ARID3B: variants seen among roughly 807,000 people sequenced by gnomAD.
ARID3B encodes the protein AT-rich interactive domain-containing protein 3B.
Under a neutral mutation model 51.9 loss-of-function variants are expected in ARID3B, and 10 were observed. The ratio of observed to expected loss-of-function variants is 0.19; its 90% CI spans 0.12 to 0.33. The LOEUF (loss-of-function observed/expected upper bound fraction) is 0.33. Among genes scored for constraint, ARID3B ranks in the 10% least tolerant of loss-of-function variants. ARID3B has a pLI of 1.00. For synonymous variants in ARID3B, 205 were observed against 279.5 expected, an observed-to-expected ratio of 0.73 and a Z score of 2.66; for missense variants, 483 against 716.3, an observed-to-expected ratio of 0.67 and a Z score of 3.72.
intron 2 of ARID3B, among the ~76,000 whole-genome samples, chr15:74,559,130 G>A (rs972796952): frequency 1.3e-5 from 2 of 152,102 alleles, no homozygotes; most frequent in African/African-American, 4.8e-5. Context: ...CCCTTCTCTT[G>A]GGGTTGATTC....
rs932226011 is a variant in ARID3B, at chr15:74,544,103, C to T, written c.167C>T (p.Thr56Ile). ...LVTQPTLLSA[T>I]AGRPSGSTPL... ...ACACAGCCGACTCTCCTTTCCGCCA[C>T]AGCTGGGAGACCTTCTGGCAGCACT... The change falls in exon 2 of 9, where the codon ACA (threonine) becomes ATA (isoleucine). Residue 56 changes from threonine to isoleucine, a missense_variant. Physicochemically the swap from Thr to Ile is moderately conservative, Grantham distance 89 (BLOSUM62 -1). This residue lies in a region of ARID3B where 182 missense variants were observed against 244.5 expected (regional missense o/e 0.74). Coordinates refer to ENST00000346246, the MANE Select transcript of ARID3B (RefSeq NM_006465.4). The T allele has an allele frequency of 6.2e-7, 1 of 1,614,002 alleles. No homozygotes were observed. Among genetic ancestry groups the T allele is most frequent in the Non-Finnish European group, 8.5e-7 (1 of 1,179,876 alleles).
chr15:74,592,107 G>A (rs557428803), intron 7 of ARID3B, among the ~76,000 whole-genome samples: 7 of 152,320 alleles, frequency 4.6e-5, no homozygotes, highest in South Asian at 2.1e-4. Context: ...GAGCTGCTGC[G>A]TTTCCCCACC....
rs549129255 is a variant in ARID3B, at chr15:74,594,296, A to G, written c.1519+1060A>G. Among the ~76,000 whole-genome samples the G allele has an allele frequency of 2.0e-5, 3 of 152,078 alleles. No individual in the cohort carries two copies. In the East Asian group the frequency reaches 5.8e-4, roughly 30 times the overall value. Reference sequence around the variant, plus strand: ...ACCCCGTCTCTACTAAAAATACAAAAAGTTAGCCAGGCGTGGGGGCGGGTG... The same window carrying G: ...ACCCCGTCTCTACTAAAAATACAAAGAGTTAGCCAGGCGTGGGGGCGGGTG... On this transcript the variant is annotated intron_variant, in intron 8 of 8. Coordinates refer to ENST00000346246, the MANE Select transcript of ARID3B (RefSeq NM_006465.4).
intron 2 of ARID3B, among the ~76,000 whole-genome samples, chr15:74,550,546 A>AG (rs916446548): frequency 6.6e-6 from 1 of 151,928 alleles, no homozygotes; most frequent in African/African-American, 2.4e-5. Context: ...AAAATACAAA[A>AG]AAAAAAAAAG....
intron 8 of ARID3B, among the ~76,000 whole-genome samples, chr15:74,595,077 G>C (rs1324436021): frequency 6.6e-6 from 1 of 152,144 alleles, no homozygotes; most frequent in Non-Finnish European, 1.5e-5. Context: ...ACCCCACCTG[G>C]CTCTGTCACC....
At chr15:74,556,025 C>A (rs1042264974) in intron 2 of ARID3B, among the ~76,000 whole-genome samples, 10 of 151,924 alleles carry the variant, frequency 6.6e-5, no homozygotes, top group African/African-American at 2.4e-4. Flanking sequence ...ATCTCCTGAC[C>A]TTGTGATCCG....
Position 74,544,504 on chromosome 15 carries a change from A to T in ARID3B, c.552+16A>T. The T allele has an allele frequency of 6.2e-7, 1 of 1,603,748 alleles. No individual in the cohort carries two copies. Among genetic ancestry groups the T allele is most frequent in the East Asian group, 2.2e-5 (1 of 44,772 alleles). ...GCTCAAGCAGGTCAGTCTTTCTGGTATTGTAGGTCATTTGGTCTTCCTGAA... is the reference window on the plus strand; with the variant it reads ...GCTCAAGCAGGTCAGTCTTTCTGGTTTTGTAGGTCATTTGGTCTTCCTGAA... On this transcript the variant is annotated intron_variant, in intron 2 of 8. Transcript: ENST00000346246.
At chr15:74,565,576 T>G (rs1387310502) in intron 2 of ARID3B, among the ~76,000 whole-genome samples, 1 of 152,178 alleles carries the variant, frequency 6.6e-6, no homozygotes, top group Non-Finnish European at 1.5e-5. Flanking sequence ...GAGCTGTGCT[T>G]TAATAAGATA....
At chr15:74,587,164 G>T (rs190782481) in intron 4 of ARID3B, among the ~76,000 whole-genome samples, 2 of 152,190 alleles carry the variant, frequency 1.3e-5, no homozygotes, top group Non-Finnish European at 2.9e-5. Flanking sequence ...AAACAAGGAG[G>T]TGAGTAATAT....
chr15:74,597,474 C>T lies in ARID3B; in HGVS notation c.*1700C>T, dbSNP rs1019240938. On this transcript the variant is annotated 3_prime_UTR_variant, in exon 9 of 9. Transcript: ENST00000346246. ...AGCTCTGCTCAACTGCGTCTTCTCT[C>T]AGCCCTCCACACACACTCACCCCCA... 4 of 524,626 alleles carry T rather than the reference C, an allele frequency of 7.6e-6. No individual in the cohort carries two copies. The highest frequency in any genetic ancestry group is 1.5e-5 in the Non-Finnish European group (4 of 272,880). The allele number at this position is 524,626 out of a possible 1,614,324, so 32.5% of individuals were successfully genotyped here. A position where few individuals can be genotyped will look rare whatever the true frequency, so the allele number is the denominator to read the frequency against.
intron 2 of ARID3B, among the ~76,000 whole-genome samples, chr15:74,545,700 C>T (rs1254897804): frequency 6.6e-6 from 1 of 152,104 alleles, no homozygotes; most frequent in African/African-American, 2.4e-5. Context: ...TTTCACAGGG[C>T]AACTGAGAAG....
At chr15:74,584,255 A>C (rs1177002349) in intron 4 of ARID3B, among the ~76,000 whole-genome samples, 4 of 152,216 alleles carry the variant, frequency 2.6e-5, no homozygotes. Context: ...GGAAATCAGC[A>C]GTCATTTCTC....
intron 2 of ARID3B, among the ~76,000 whole-genome samples, chr15:74,569,986 A>G (rs1183824233): frequency 6.6e-6 from 1 of 152,206 alleles, no homozygotes; most frequent in Non-Finnish European, 1.5e-5. Context: ...CTTTAAATAG[A>G]GTAACTGACA....
At chr15:74,562,947 T>G (rs2061684155) in intron 2 of ARID3B, among the ~76,000 whole-genome samples, 1 of 152,254 alleles carries the variant, frequency 6.6e-6, no homozygotes, top group African/African-American at 2.4e-5. Flanking sequence ...TGACTTATAT[T>G]GCCTTCTAGA....
At position 74,589,981 on chromosome 15, in the gene ARID3B, G is replaced by A. The variant is rs1417045374; in HGVS notation, c.859G>A (p.Ala287Thr). ...GLNLPTSITS[A>T]AFTLRTQYMK... Reference sequence around the variant, plus strand: ...AAACCTGCCCACATCCATCACCAGCGCCGCCTTCACCCTCAGGACGCAGTG... The same window carrying A: ...AAACCTGCCCACATCCATCACCAGCACCGCCTTCACCCTCAGGACGCAGTG... Residue 287 changes from alanine to threonine, a missense_variant, in exon 5 of 9, where the codon GCC becomes ACC. This residue lies in a region of ARID3B where 36 missense variants were observed against 117.5 expected (regional missense o/e 0.31). Coordinates refer to ENST00000346246, the MANE Select transcript of ARID3B (RefSeq NM_006465.4). 4 of 1,612,732 alleles carry A rather than the reference G, an allele frequency of 2.5e-6. No individual in the cohort carries two copies. Among genetic ancestry groups the A allele is most frequent in the Admixed American group, 1.7e-5 (1 of 59,806 alleles).
intron 2 of ARID3B, among the ~76,000 whole-genome samples, chr15:74,564,371 T>A (rs776351012): frequency 2.7e-4 from 41 of 152,344 alleles, no homozygotes; most frequent in Non-Finnish European, 5.7e-4. Flanking sequence ...GAGAATTGGA[T>A]TTTTAACATT....
At chr15:74,554,492 A>G (rs900103400) in intron 2 of ARID3B, among the ~76,000 whole-genome samples, 3 of 151,100 alleles carry the variant, frequency 2.0e-5, no homozygotes, top group Non-Finnish European at 2.9e-5. Context: ...TAGTAGAGAC[A>G]GGATTTCACC....
intron 2 of ARID3B, among the ~76,000 whole-genome samples, chr15:74,554,255 C>T (rs968400109): frequency 6.6e-6 from 1 of 152,024 alleles, no homozygotes; most frequent in Non-Finnish European, 1.5e-5. Context: ...GTGATCCACC[C>T]AACTCGGCCT....
chr15:74,543,775 A>G, intron 1 of ARID3B, 85 bp from the exon 2 acceptor site: 2 of 847,558 alleles, frequency 2.4e-6, no homozygotes, highest in East Asian at 2.6e-5. Flanking sequence ...ATGGCCCTCT[A>G]CTGGAGAAAA....
Sources: allele counts gnomAD v4.1 joint callset (sites outside exome capture counted in the v4.1 genomes callset), GRCh38; gene constraint gnomAD v4.1.1; regional missense constraint gnomAD v4.1.1; transcripts MANE v1.5; gene names NCBI Gene and HGNC (gene_info 2026-07-23, HGNC 2026-07-21).